The following PDZD2 variants were observed in gnomAD, a reference collection of about 807,000 sequenced individuals.
PDZD2 encodes PDZ domain containing 2.
A neutral mutation model predicts 220.7 loss-of-function variants in PDZD2; 90 were observed. The ratio of observed to expected loss-of-function variants is 0.41; its 90% CI spans 0.34 to 0.49. PDZD2 has a LOEUF of 0.49. Among genes scored for constraint, PDZD2 ranks in the 20% least tolerant of loss-of-function variants. The pLI is 0.28. For missense variants in PDZD2, 3,174 were observed against 3,608.5 expected (o/e 0.88, Z 3.08); for synonymous variants, 1,375 against 1,450.5 (o/e 0.95, Z 1.18).
intron 1 of PDZD2, among the ~76,000 whole-genome samples, chr5:31,766,470 CTCTA>C (rs1282522812): frequency 1.2e-4 from 19 of 152,128 alleles, no homozygotes; most frequent in African/African-American, 4.6e-4. Flanking sequence ...CAACCTTGAC[CTCTA>C]TAGCCTCAGA....
chr5:31,793,122 G>A (rs1185480943), intron 1 of PDZD2, among the ~76,000 whole-genome samples: 1 of 152,156 alleles, frequency 6.6e-6, no homozygotes, highest in Non-Finnish European at 1.5e-5. Flanking sequence ...ACAGGCGTGA[G>A]CCACTGGGGC....
At chr5:31,914,301 G>T (rs1490395409) in intron 2 of PDZD2, among the ~76,000 whole-genome samples, 3 of 152,246 alleles carry the variant, frequency 2.0e-5, no homozygotes, top group African/African-American at 7.2e-5. Flanking sequence ...GGGGGCTGAG[G>T]CGGGTGGATC....
At chr5:31,965,755 G>A (rs1037123583) in intron 2 of PDZD2, among the ~76,000 whole-genome samples, 1 of 152,104 alleles carries the variant, frequency 6.6e-6, no homozygotes, top group Non-Finnish European at 1.5e-5. Flanking sequence ...AAATTAGCCA[G>A]GCATGGTGGC....
At chr5:31,854,347 G>A (rs1422126998) in intron 2 of PDZD2, among the ~76,000 whole-genome samples, 2 of 152,168 alleles carry the variant, frequency 1.3e-5, no homozygotes, top group African/African-American at 2.4e-5. Flanking sequence ...AGGTGGGAGG[G>A]GTAGGGGAGC....
At chr5:31,669,511 T>A (rs889154359) in intron 1 of PDZD2, among the ~76,000 whole-genome samples, 26 of 152,228 alleles carry the variant, frequency 1.7e-4, no homozygotes, top group African/African-American at 6.3e-4. Context: ...CCCGTGTGGA[T>A]TGGCTCTTGC....
At position 31,983,618 on chromosome 5, in the gene PDZD2, G is replaced by A; in HGVS notation, c.940G>A (p.Gly314Arg). The change falls in exon 3 of 25, where the codon GGG becomes AGG. Residue 314 changes from glycine to arginine, a missense_variant. Around this residue, in one of 4 missense-constraint regions of PDZD2, gnomAD observed 632 missense variants for 708.1 expected, o/e 0.89. Transcript: ENST00000438447. ...SNDKRRFSKG[G>R]KTDFQSSDCL... ...TGACAAACGCCGCTTCTCAAAAGGT[G>A]GGAAGACGGACTTCCAATCGAGTGA... The A allele has an allele frequency of 1.2e-6, 2 of 1,614,074 alleles. No homozygotes were observed. Among genetic ancestry groups the A allele is most frequent in the Non-Finnish European group, 1.7e-6 (2 of 1,179,944 alleles).
At chr5:31,778,392 T>C (rs1401359344) in intron 1 of PDZD2, among the ~76,000 whole-genome samples, 2 of 152,178 alleles carry the variant, frequency 1.3e-5, no homozygotes, top group Non-Finnish European at 2.9e-5. Context: ...GCTCACTCTT[T>C]GGGTCTGCAC....
At chr5:31,832,269 G>A (rs1417643785) in intron 2 of PDZD2, among the ~76,000 whole-genome samples, 1 of 149,130 alleles carries the variant, frequency 6.7e-6, no homozygotes, top group Non-Finnish European at 1.5e-5. Flanking sequence ...TCGGGAGAAG[G>A]GACGAATGGA....
At chr5:32,004,695 A>T (rs1752668541) in intron 5 of PDZD2, among the ~76,000 whole-genome samples, 1 of 152,248 alleles carries the variant, frequency 6.6e-6, no homozygotes, top group Non-Finnish European at 1.5e-5. Flanking sequence ...CAGACTTCAG[A>T]GTTCAAGCTG....
chr5:32,067,410 A>G (rs1180658468), intron 14 of PDZD2, among the ~76,000 whole-genome samples: 1 of 152,196 alleles, frequency 6.6e-6, no homozygotes, highest in South Asian at 2.1e-4. Flanking sequence ...ACTCATTTAT[A>G]TAAAATTATT....
intron 2 of PDZD2, among the ~76,000 whole-genome samples, chr5:31,931,587 T>C (rs1317307216): frequency 6.6e-6 from 1 of 152,092 alleles, no homozygotes; most frequent in Non-Finnish European, 1.5e-5. Context: ...TCTTACTTGG[T>C]TGCTGTAGCT....
At chr5:31,945,125 A>C (rs542674595) in intron 2 of PDZD2, among the ~76,000 whole-genome samples, 4 of 152,290 alleles carry the variant, frequency 2.6e-5, no homozygotes, top group African/African-American at 9.6e-5. Flanking sequence ...GGGAGTAAAA[A>C]TGTCCCTGTA....
At chr5:31,910,163 C>A (rs1207047252) in intron 2 of PDZD2, among the ~76,000 whole-genome samples, 1 of 149,932 alleles carries the variant, frequency 6.7e-6, no homozygotes, top group Non-Finnish European at 1.5e-5. Context: ...TCACATAGTT[C>A]ATGAAAGGCA....
intron 1 of PDZD2, among the ~76,000 whole-genome samples, chr5:31,721,987 C>T (rs1056584503): frequency 3.3e-5 from 5 of 151,964 alleles, no homozygotes; most frequent in Non-Finnish European, 7.4e-5. Context: ...CCCTCTCTCA[C>T]CCCACAAGCT....
chr5:31,932,497 C>T (rs1208130110), intron 2 of PDZD2, among the ~76,000 whole-genome samples: 1 of 151,998 alleles, frequency 6.6e-6, no homozygotes. Flanking sequence ...TGCAGTGAGC[C>T]AAGATTGCAC....
intron 7 of PDZD2, among the ~76,000 whole-genome samples, chr5:32,045,423 CT>C (rs201242107): frequency 8.1e-4 from 116 of 143,352 alleles, no homozygotes; most frequent in Middle Eastern, 7.1e-3. Flanking sequence ...TGTGATCTTT[CT>C]TTTTTTTTTT....
At chr5:32,035,754 G>A (rs753108719) in intron 6 of PDZD2, among the ~76,000 whole-genome samples, 1 of 152,132 alleles carries the variant, frequency 6.6e-6, no homozygotes, top group Non-Finnish European at 1.5e-5. Context: ...AAATCAAGAA[G>A]CTTTTGAATA....
chr5:32,000,936 C>A lies in PDZD2; in HGVS notation c.1254+665C>A, dbSNP rs777384768. The stretch of plus-strand genomic sequence containing the variant: ...AGTAGGTGAGTGGCCTGTGAGACAG[C>A]GTTACCTCCTGAGAGCTCCGCCTCC... On this transcript the variant is annotated intron_variant, in intron 5 of 24. Coordinates refer to ENST00000438447, the MANE Select transcript of PDZD2 (RefSeq NM_178140.4). The surrounding 1 kb of genome is among the most constrained non-coding windows in gnomAD (Gnocchi z 4.5). Among the ~76,000 whole-genome samples, 3 of 152,176 alleles carry A rather than the reference C, an allele frequency of 2.0e-5. No homozygotes were observed. Among genetic ancestry groups the A allele is most frequent in the Non-Finnish European group, 2.9e-5 (2 of 68,036 alleles).
chr5:31,862,720 C>T (rs541654396), intron 2 of PDZD2, among the ~76,000 whole-genome samples: 121 of 151,964 alleles, frequency 8.0e-4, no homozygotes, highest in African/African-American at 1.3e-3. Context: ...GCCACCAGAC[C>T]CAGCTAATTT....
Sources: allele counts gnomAD v4.1 joint callset (sites outside exome capture counted in the v4.1 genomes callset), GRCh38; gene constraint gnomAD v4.1.1; regional missense constraint gnomAD v4.1.1; non-coding constraint Gnocchi (gnomAD v3.1); transcripts MANE v1.5; gene names NCBI Gene and HGNC (gene_info 2026-07-23, HGNC 2026-07-21).